The following CEP131 variants were observed in gnomAD, a reference collection of about 807,000 sequenced individuals.
The protein encoded by CEP131 is centrosomal protein 131.
Under a neutral mutation model 136.8 loss-of-function variants are expected in CEP131, and 99 were observed. The observed-to-expected ratio is 0.72, with a 90% confidence interval of 0.62 to 0.86. CEP131 has a LOEUF of 0.86. Ranked by LOEUF, CEP131 falls within the 40% of genes least tolerant of loss-of-function variation. The pLI is 0.00. For missense variants in CEP131, 1,459 were observed against 1,463.0 expected (o/e 1.00, Z 0.04); for synonymous variants, 646 against 612.7 (o/e 1.05, Z -0.80).
intron 2 of CEP131, among the ~76,000 whole-genome samples, chr17:81,212,883 C>A (rs887344989): frequency 5.3e-5 from 8 of 152,156 alleles, no homozygotes; most frequent in African/African-American, 1.7e-4. Flanking sequence ...CACCAACTGG[C>A]GTACACTACA....
rs1567861329 is a variant in CEP131, at chr17:81,199,782, T to C, written c.960A>G (p.Lys320=). 1 of 1,611,784 alleles carries C rather than the reference T, an allele frequency of 6.2e-7. No homozygotes were observed. The highest frequency in any genetic ancestry group is 8.5e-7 in the Non-Finnish European group (1 of 1,179,996). The change falls in exon 9 of 26, where the codon AAA becomes AAG. Residue 320 remains lysine (K), a synonymous_variant. Coordinates refer to ENST00000450824, the MANE Select transcript of CEP131 (RefSeq NM_014984.4). ...CCCGGGCCTTCCTCCTGGCTGCCTC[T>C]TTCTGCTGGTGCAGGTCCAAGAGGG... ...EGTLLDLHQQ[K]EAARRKAREE...
chr17:81,206,226 C>G (rs1236195984), intron 5 of CEP131, among the ~76,000 whole-genome samples: 1 of 151,902 alleles, frequency 6.6e-6, no homozygotes, highest in Admixed American at 6.6e-5. Flanking sequence ...AAAAAAAAGG[C>G]AAGAATTCTT....
At chr17:81,199,072 G>A in intron 10 of CEP131, 101 bp from the exon 11 acceptor site, 1 of 1,190,362 alleles carries the variant, frequency 8.4e-7, no homozygotes, top group Non-Finnish European at 1.1e-6. Context: ...GGGAGGCGGA[G>A]GCGACCCCAG....
chr17:81,199,732 C>T lies in CEP131; in HGVS notation c.1010G>A (p.Arg337Gln), dbSNP rs372918366. Residue 337 changes from arginine to glutamine, a missense_variant, in exon 9 of 26, where the codon CGA (arginine) becomes CAA (glutamine). Physicochemically the swap from Arg to Gln is conservative, Grantham distance 43. This residue lies in a region of CEP131 where 246 missense variants were observed against 318.9 expected (regional missense o/e 0.77). Transcript: ENST00000450824. ...CGCGGTCAGCACCTGAATGGCTGCT[C>T]GCCTGGCTTGGCGTGCCTTCTCCTC... ...AREEKARQAR[R>Q]AAIQELQQKR... is the part of the protein sequence containing the mutation. The T allele has an allele frequency of 2.5e-6, 4 of 1,609,494 alleles. No homozygotes were observed. The highest frequency in any genetic ancestry group is 3.4e-6 in the Non-Finnish European group (4 of 1,179,934).
At chr17:81,201,383 T>A (rs2061887603) in intron 7 of CEP131, among the ~76,000 whole-genome samples, 1 of 152,160 alleles carries the variant, frequency 6.6e-6, no homozygotes, top group African/African-American at 2.4e-5. Flanking sequence ...AAGAAACGAC[T>A]GTCATGGTCA....
chr17:81,189,704 C>A lies in CEP131; in HGVS notation c.*65G>T. On this transcript the variant is annotated 3_prime_UTR_variant, in exon 26 of 26. Coordinates refer to ENST00000450824, the MANE Select transcript of CEP131 (RefSeq NM_014984.4). ...GGCAGGTGGGCGTCCCTGTGGGCCT[C>A]TGGGCCCACGTCCAGCCTCTGTCCT... The A allele has an allele frequency of 6.7e-7, 1 of 1,490,888 alleles. No individual in the cohort carries two copies. Among genetic ancestry groups the A allele is most frequent in the South Asian group, 1.3e-5 (1 of 74,990 alleles). 92.4% of individuals were successfully genotyped at this position (1,490,888 alleles called of 1,614,324 possible). A position where few individuals can be genotyped will look rare whatever the true frequency, so the allele number is the denominator to read the frequency against.
chr17:81,205,513 G>A (rs1335044958), intron 5 of CEP131, among the ~76,000 whole-genome samples: 1 of 54,206 alleles, frequency 1.8e-5, no homozygotes, highest in Non-Finnish European at 5.0e-5. Context: ...AGGGGCAGGG[G>A]TGGGGAGGGT....
At chr17:81,197,285 A>T (rs1415894984) in intron 13 of CEP131, 5 of 603,260 alleles carry the variant, frequency 8.3e-6, no homozygotes, top group Non-Finnish European at 1.4e-5. Context: ...ACCATTTAAA[A>T]AGTTCTATGC....
chr17:81,195,203 G>A (rs2061728432), intron 16 of CEP131, among the ~76,000 whole-genome samples: 1 of 152,202 alleles, frequency 6.6e-6, no homozygotes, highest in Admixed American at 6.5e-5. Context: ...GACATGGGAG[G>A]GCAGCCATCA....
At position 81,208,888 on chromosome 17, in the gene CEP131, C is replaced by T. The variant is rs200063280; in HGVS notation, c.272+40G>A. 1.8e-3 allele frequency: 2,853 copies of T among 1,542,970 alleles called. 2 individuals carry two copies. Among genetic ancestry groups the T allele is most frequent in the Non-Finnish European group, 2.3e-3 (2,582 of 1,120,200 alleles). On this transcript the variant is annotated intron_variant, in intron 3 of 25. Transcript: ENST00000450824. This position sits in a 1 kb window ranked among gnomAD's most constrained non-coding sequence, Gnocchi z 5.6. ...GGCCAGGGTGGGGCACCTGAGGTCC[C>T]GGGAAGGGGCCAGGGTTATCCAAGG...
In CEP131 at chr17:81,219,975, G is replaced by A. The variant is rs773104165; in HGVS notation, c.82C>T (p.Pro28Ser). The A allele has an allele frequency of 6.2e-7, 1 of 1,612,236 alleles. No homozygotes were observed. The highest frequency in any genetic ancestry group is 1.1e-5 in the South Asian group (1 of 90,822). Reference protein sequence around the residue: ...VDLSLTGLPPPVSRRPGSAAT... With the variant: ...VDLSLTGLPPSVSRRPGSAAT... Reference sequence around the variant, plus strand: ...GCACTGCCAGGACGCCGGGACACAGGCGGAGGGAGACCTGTCAGACTCAGG... The same window carrying A: ...GCACTGCCAGGACGCCGGGACACAGACGGAGGGAGACCTGTCAGACTCAGG... Residue 28 changes from proline (P) to serine (S), a missense_variant, in exon 2 of 26, where the codon CCT becomes TCT. Around this residue, in one of 3 missense-constraint regions of CEP131, gnomAD observed 187 missense variants for 179.9 expected, o/e 1.04. Transcript: ENST00000450824. The surrounding 1 kb of genome is among the most constrained non-coding windows in gnomAD (Gnocchi z 4.0).
intron 5 of CEP131, among the ~76,000 whole-genome samples, chr17:81,204,595 C>G (rs1340138519): frequency 2.6e-5 from 4 of 152,098 alleles, no homozygotes. Context: ...GGGCAAAGAC[C>G]AACATGTCAG....
rs1020717634 is a variant in CEP131, at chr17:81,192,906, G to A, written c.2322-63C>T. On this transcript the variant is annotated intron_variant, in intron 18 of 25. Transcript: ENST00000450824. Reference sequence around the variant, plus strand: ...CGGGCGGTCCCAGGACCCACCCACCGCAGGGGCACGGGCCGACCACAGGCC... The same window carrying A: ...CGGGCGGTCCCAGGACCCACCCACCACAGGGGCACGGGCCGACCACAGGCC... 2.6e-5 allele frequency: 40 copies of A among 1,548,998 alleles called. No homozygotes were observed. In the African/African-American group the frequency reaches 3.8e-4, roughly 15 times the overall value.
Position 81,203,422 on chromosome 17 carries a change from C to A in CEP131, c.629+72G>T. On this transcript the variant is annotated intron_variant, in intron 6 of 25. Coordinates refer to ENST00000450824, the MANE Select transcript of CEP131 (RefSeq NM_014984.4). This position sits in a 1 kb window ranked among gnomAD's most constrained non-coding sequence, Gnocchi z 4.6. The stretch of plus-strand genomic sequence containing the variant: ...CGCGTGCCCTGACCGAGGTCGGACC[C>A]CAGGTGCACTGACTACATGCCCTAA... The A allele has an allele frequency of 7.8e-7, 1 of 1,278,788 alleles. No individual in the cohort carries two copies. Among genetic ancestry groups the A allele is most frequent in the Non-Finnish European group, 1.1e-6 (1 of 913,212 alleles). 79.2% of individuals were successfully genotyped at this position (1,278,788 alleles called of 1,614,324 possible). A position where few individuals can be genotyped will look rare whatever the true frequency, so the allele number is the denominator to read the frequency against.
At chr17:81,212,446 C>T (rs1567878026) in intron 2 of CEP131, among the ~76,000 whole-genome samples, 1 of 151,882 alleles carries the variant, frequency 6.6e-6, no homozygotes, top group Non-Finnish European at 1.5e-5. Context: ...GAGTGGGGCC[C>T]GTGCAGAGGG....
intron 8 of CEP131, 175 bp downstream of exon 8, chr17:81,200,154 G>A: frequency 1.6e-6 from 1 of 630,766 alleles, no homozygotes; most frequent in Non-Finnish European, 2.7e-6. Context: ...GACCGCCAGT[G>A]AGGACCACCC....
At chr17:81,199,871 C>T (rs755718015) in intron 8 of CEP131, 36 bp from the exon 9 acceptor site, 1 of 1,600,672 alleles carries the variant, frequency 6.2e-7, no homozygotes, top group Admixed American at 1.7e-5. Context: ...GCGTTTACAT[C>T]TGGAAGACGG....
rs114909284 is a variant in CEP131 at position 81,206,948 on chromosome 17, G to A, written c.388-77C>T. 2.8e-3 allele frequency: 4,422 copies of A among 1,559,634 alleles called. 85 individuals are homozygous for A. The African/African-American group carries it at 0.052, about 18-fold the overall frequency. On this transcript the variant is annotated intron_variant, in intron 4 of 25. Transcript: ENST00000450824. ...TCCCTTCCCTGCCTCTCCCACAAAC[G>A]GGAGGAGCCACCAACTTCCCATACA...
At chr17:81,191,511 T>C (rs1469801882) in intron 21 of CEP131, among the ~76,000 whole-genome samples, 176 bp from the exon 22 acceptor site, 1 of 152,102 alleles carries the variant, frequency 6.6e-6, no homozygotes, top group East Asian at 1.9e-4. Flanking sequence ...GGACCCAGTG[T>C]GGGCATAGGC....
Sources: gnomAD v4.1 joint callset for allele counts (sites outside exome capture counted in the v4.1 genomes callset) on GRCh38, gnomAD v4.1.1 for gene constraint, gnomAD v4.1.1 regional missense constraint, Gnocchi (gnomAD v3.1) non-coding constraint, MANE v1.5 for transcripts, NCBI Gene and HGNC (gene_info 2026-07-23, HGNC 2026-07-21) for gene names.